KALRN: variants seen among roughly 807,000 people sequenced by gnomAD.
The protein encoded by KALRN is kalirin.
Under a neutral mutation model 353.7 loss-of-function variants are expected in KALRN, and 70 were observed. The observed-to-expected ratio is 0.20, with a 90% CI of 0.16 to 0.24. The LOEUF (loss-of-function observed/expected upper bound fraction) is 0.24, where lower values mean the gene tolerates loss of function less well. KALRN is among the 10% of genes least tolerant of loss of function. The probability of loss-of-function intolerance (pLI) is 1.00; values close to 1 mark genes in which losing one functional copy is unlikely to be tolerated. For missense variants in KALRN, 2,791 were observed against 3,756.7 expected (o/e 0.74, Z 6.72); for synonymous variants, 1,391 against 1,434.8 (o/e 0.97, Z 0.69).
intron 5 of KALRN, among the ~76,000 whole-genome samples, chr3:124,274,524 G>GA (rs1476164239): frequency 1.3e-5 from 2 of 152,244 alleles, no homozygotes; most frequent in African/African-American, 4.8e-5. Context: ...TTCTGGAAAG[G>GA]AGAAGATATT....
At chr3:124,707,682 G>A (rs1238586150) in intron 57 of KALRN, among the ~76,000 whole-genome samples, 1 of 152,014 alleles carries the variant, frequency 6.6e-6, no homozygotes, top group South Asian at 2.1e-4. Context: ...TTGTTTTTTT[G>A]TGTCTCCTTA....
At chr3:124,492,344 T>C (rs1161274198) in intron 31 of KALRN, among the ~76,000 whole-genome samples, 1 of 151,994 alleles carries the variant, frequency 6.6e-6, no homozygotes, top group African/African-American at 2.4e-5. Flanking sequence ...TCCATACTGA[T>C]TGGGAAGTAG....
rs1049765137 is a variant in KALRN at position 124,389,154 on chromosome 3, C to T, written c.1962+4118C>T. Reference sequence around the variant, plus strand: ...TTCCTCCTTCTTTCTTTCCTTCCTCCATTTCTTCCTTCCTATAATAATTTG... The same window carrying T: ...TTCCTCCTTCTTTCTTTCCTTCCTCTATTTCTTCCTTCCTATAATAATTTG... On this transcript the variant is annotated intron_variant, in intron 11 of 59. Coordinates refer to ENST00000682506, the MANE Select transcript of KALRN (RefSeq NM_001388419.1). Among the ~76,000 whole-genome samples, 9 of 152,236 alleles carry T rather than the reference C, an allele frequency of 5.9e-5. No individual in the cohort carries two copies. In the East Asian group the frequency reaches 1.4e-3, roughly 23 times the overall value.
At chr3:124,243,433 A>G (rs1471944104) in intron 3 of KALRN, among the ~76,000 whole-genome samples, 2 of 152,218 alleles carry the variant, frequency 1.3e-5, no homozygotes, top group Non-Finnish European at 1.5e-5. Context: ...TGAAGTAACT[A>G]TGAGAAGCAG....
intron 3 of KALRN, among the ~76,000 whole-genome samples, chr3:124,246,712 A>G (rs1259934333): frequency 6.6e-6 from 1 of 152,210 alleles, no homozygotes; most frequent in Non-Finnish European, 1.5e-5. Flanking sequence ...CACCAAGAGC[A>G]GGCTGATTAG....
chr3:124,664,358 T>TGCGCGCGCGCGC (rs1381474899), intron 45 of KALRN, among the ~76,000 whole-genome samples: 1 of 123,116 alleles, frequency 8.1e-6, no homozygotes, highest in Non-Finnish European at 1.7e-5. Context: ...TGTGTGTGTG[T>TGCGCGCGCGCGC]GTGTGTGTGT....
intron 1 of KALRN, among the ~76,000 whole-genome samples, chr3:124,052,964 GT>G (rs2041182863): frequency 6.6e-6 from 1 of 152,264 alleles, no homozygotes; most frequent in Admixed American, 6.5e-5. Flanking sequence ...TTAGAGGATT[GT>G]AGGGAGAGAG....
chr3:124,691,490 G>T (rs1441628074), intron 51 of KALRN, among the ~76,000 whole-genome samples: 1 of 152,106 alleles, frequency 6.6e-6, no homozygotes, highest in African/African-American at 2.4e-5. Flanking sequence ...TATTTGGGAA[G>T]CCCACATAAG....
intron 34 of KALRN, among the ~76,000 whole-genome samples, chr3:124,609,351 C>G (rs1056280557): frequency 2.0e-5 from 3 of 152,090 alleles, no homozygotes; most frequent in Non-Finnish European, 4.4e-5. Context: ...TGTTATCAGC[C>G]ACATAAATCC....
chr3:124,619,928 T>C lies in KALRN; in HGVS notation c.5183-12492T>C, dbSNP rs147119556. On this transcript the variant is annotated intron_variant, in intron 34 of 59. Transcript: ENST00000682506. ...GCATTTGTTATCTCTTGATTTTTGA[T>C]AATAGCCATTCTAACAGGTATGAGA... 8.5e-5 allele frequency among the ~76,000 whole-genome samples: 13 copies of C among 152,242 alleles called. 1 individual carries two copies. The East Asian group carries it at 2.5e-3, about 29-fold the overall frequency.
intron 14 of KALRN, among the ~76,000 whole-genome samples, chr3:124,419,074 A>G (rs1456815575): frequency 6.6e-6 from 1 of 151,840 alleles, no homozygotes; most frequent in Non-Finnish European, 1.5e-5. Flanking sequence ...TCAGTCTAAA[A>G]GAAAAAAAAA....
At chr3:124,662,456 A>C (rs1056462905) in intron 45 of KALRN, among the ~76,000 whole-genome samples, 4 of 152,000 alleles carry the variant, frequency 2.6e-5, no homozygotes, top group Non-Finnish European at 5.9e-5. Context: ...GAGTGTTTAG[A>C]CCTGATAGTG....
chr3:124,485,388 A>G (rs1336968233), intron 28 of KALRN, among the ~76,000 whole-genome samples: 1 of 152,182 alleles, frequency 6.6e-6, no homozygotes, highest in Admixed American at 6.5e-5. Flanking sequence ...AGGATGAATT[A>G]TGTGGCATAG....
chr3:124,229,933 A>G (rs930282089), intron 2 of KALRN, among the ~76,000 whole-genome samples: 9 of 152,274 alleles, frequency 5.9e-5, no homozygotes, highest in African/African-American at 2.2e-4. Flanking sequence ...TTGAACAGGC[A>G]GAACAACTCC....
intron 37 of KALRN, among the ~76,000 whole-genome samples, chr3:124,642,239 G>A (rs929081407): frequency 2.0e-5 from 3 of 151,966 alleles, no homozygotes; most frequent in Non-Finnish European, 2.9e-5. Context: ...AGCCGAGATC[G>A]CGCCACTGCA....
At position 124,322,975 on chromosome 3, in the gene KALRN, A is replaced by C. The variant is rs557023928; in HGVS notation, c.1093-3005A>C. Among the ~76,000 whole-genome samples the C allele has an allele frequency of 9.3e-4, 141 of 152,334 alleles. No homozygotes were observed. The Middle Eastern group carries it at 0.01, about 11-fold the overall frequency. On this transcript the variant is annotated intron_variant, in intron 6 of 59. Transcript: ENST00000682506. ...ATAGAGAAGAACAATGAGCAAATTC[A>C]TAAGTCAACATTGTATTTATCCCTC...
chr3:124,717,660 C>T (rs2063209049), intron 59 of KALRN, among the ~76,000 whole-genome samples: 1 of 151,886 alleles, frequency 6.6e-6, no homozygotes. Flanking sequence ...CGCGCCACTG[C>T]ACTGTAGCCT....
chr3:124,618,780 T>A (rs964147391), intron 34 of KALRN, among the ~76,000 whole-genome samples: 1 of 152,210 alleles, frequency 6.6e-6, no homozygotes, highest in East Asian at 1.9e-4. Context: ...CAGGAGAAGG[T>A]GCCCACTCCA....
chr3:124,559,849 A>C (rs557276068), intron 33 of KALRN, among the ~76,000 whole-genome samples: 1 of 152,326 alleles, frequency 6.6e-6, no homozygotes, highest in Non-Finnish European at 1.5e-5. Context: ...TGATCAAGCC[A>C]TTGAGGTGAA....
Sources: gnomAD v4.1 joint callset for allele counts (sites outside exome capture counted in the v4.1 genomes callset) on GRCh38, gnomAD v4.1.1 for gene constraint, MANE v1.5 for transcripts, NCBI Gene and HGNC (gene_info 2026-07-23, HGNC 2026-07-21) for gene names.